Variants in PPP2R2B observed in about 807,000 individuals in gnomAD.
PPP2R2B encodes the protein protein phosphatase 2 regulatory subunit Bbeta.
Under a neutral mutation model 46.0 loss-of-function variants are expected in PPP2R2B, and 5 were observed. That is an observed-to-expected ratio of 0.11 (90% CI 0.06 to 0.23). The LOEUF is 0.23. Ranked by LOEUF, PPP2R2B falls within the 10% of genes least tolerant of loss-of-function variation. The probability of loss-of-function intolerance (pLI) is 1.00; values close to 1 mark genes in which losing one functional copy is unlikely to be tolerated. For synonymous variants in PPP2R2B, 215 were observed against 206.7 expected (o/e 1.04, Z -0.34); for missense variants, 367 against 575.0 (o/e 0.64, Z 3.70).
intron 2 of PPP2R2B, among the ~76,000 whole-genome samples, chr5:146,726,078 C>G (rs1252426444): frequency 2.0e-5 from 3 of 152,104 alleles, no homozygotes; most frequent in Admixed American, 1.3e-4. Flanking sequence ...TACCTGGAGC[C>G]TTGATCATTA....
exon 1 of PPP2R2B, chr5:147,055,964 A>G (rs2151905541): frequency 1.5e-6 from 2 of 1,376,692 alleles, no homozygotes; most frequent in East Asian, 2.7e-5. Context: ...TCAAACTCAG[A>G]AGCCCCCAAG....
In PPP2R2B at chr5:146,954,756, A is replaced by ATGTGTGTGTG. The variant is rs149370877; in HGVS notation, c.79+100899_79+100908dup. Among the ~76,000 whole-genome samples, 772 of 146,724 alleles carry ATGTGTGTGTG rather than the reference A, an allele frequency of 5.3e-3. 3 individuals carry two copies. Among genetic ancestry groups the ATGTGTGTGTG allele is most frequent in the African/African-American group, 0.011 (458 of 39,916 alleles). ...TATACATATATGAATATGTGTATATATGTGTGTGTGTGTGTGTGTGTGTGT... is the reference window on the plus strand; with the variant it reads ...TATACATATATGAATATGTGTATATATGTGTGTGTGTGTGTGTGTGTGTGTGTGTGTGTGT... On this transcript the variant is annotated intron_variant, in intron 1 of 8. Transcript: ENST00000336640.
At chr5:146,838,674 C>T (rs1320762722) in intron 2 of PPP2R2B, among the ~76,000 whole-genome samples, 4 of 151,678 alleles carry the variant, frequency 2.6e-5, no homozygotes, top group Admixed American at 1.3e-4. Flanking sequence ...ATAGACTAGA[C>T]AGAAGAGTGA....
At chr5:146,994,619 C>A (rs1753845583) in intron 1 of PPP2R2B, among the ~76,000 whole-genome samples, 1 of 152,162 alleles carries the variant, frequency 6.6e-6, no homozygotes, top group Admixed American at 6.5e-5. Flanking sequence ...CCAACCCTGA[C>A]AGTCCTTGGT....
At position 146,938,646 on chromosome 5, in the gene PPP2R2B, A is replaced by G. The variant is rs566541714; in HGVS notation, c.79+117019T>C. Among the ~76,000 whole-genome samples, 6 of 152,134 alleles carry G rather than the reference A, an allele frequency of 3.9e-5. No homozygotes were observed. The South Asian group carries it at 1.2e-3, about 32-fold the overall frequency. On this transcript the variant is annotated intron_variant, in intron 1 of 8. Coordinates refer to the PPP2R2B transcript ENST00000336640. ...TACATAGGAATTAAAATCTTGAATGACATATCAAAATGTTGACAGAGATTG... is the reference window on the plus strand; with the variant it reads ...TACATAGGAATTAAAATCTTGAATGGCATATCAAAATGTTGACAGAGATTG...
rs1438945272 is a variant in PPP2R2B at position 146,587,173 on chromosome 5, C to T, written c.*2774G>A. ...AAAACAGACTGACTTCTATGTGCCA[C>T]TAACTAAGAAATATTGCCAGTACTG... On this transcript the variant is annotated 3_prime_UTR_variant, in exon 10 of 10. Transcript: ENST00000394411. The T allele has an allele frequency of 6.6e-6, 1 of 152,206 alleles. No homozygotes were observed. The highest frequency in any genetic ancestry group is 1.5e-5 in the Non-Finnish European group (1 of 68,052). The allele number at this position is 152,206 out of a possible 1,614,324, so 9.4% of individuals were successfully genotyped here.
chr5:146,760,825 G>C (rs989043060), intron 2 of PPP2R2B, among the ~76,000 whole-genome samples: 12 of 152,010 alleles, frequency 7.9e-5, no homozygotes, highest in African/African-American at 2.4e-4. Context: ...GAAAATATTT[G>C]AGGGTTGTCC....
At chr5:146,656,201 G>A (rs886651400) in intron 5 of PPP2R2B, among the ~76,000 whole-genome samples, 2 of 152,030 alleles carry the variant, frequency 1.3e-5, no homozygotes, top group Non-Finnish European at 2.9e-5. Context: ...TATGCTCTTT[G>A]AGGTGGGGTG....
chr5:146,963,655 T>C (rs1002572700), intron 1 of PPP2R2B, among the ~76,000 whole-genome samples: 9 of 152,180 alleles, frequency 5.9e-5, no homozygotes, highest in African/African-American at 2.2e-4. Flanking sequence ...ATAGATAATG[T>C]TATTATCCCA....
intron 1 of PPP2R2B, among the ~76,000 whole-genome samples, chr5:146,902,291 G>A (rs1443604067): frequency 1.3e-5 from 2 of 151,938 alleles, no homozygotes; most frequent in Non-Finnish European, 2.9e-5. Context: ...TGTCATCTCA[G>A]CATTGTTTTA....
intron 9 of PPP2R2B, 28 bp from the exon 10 acceptor site, chr5:146,590,254 C>CCGAGTATTACGGAGAA: frequency 4.4e-6 from 7 of 1,603,834 alleles, no homozygotes; most frequent in South Asian, 2.2e-5. Flanking sequence ...AAGGCAATGA[C>CCGAGTATTACGGAGAA]ATATCTTCAC....
intron 2 of PPP2R2B, among the ~76,000 whole-genome samples, chr5:146,708,797 G>C (rs1264503560): frequency 2.0e-5 from 3 of 151,964 alleles, no homozygotes; most frequent in African/African-American, 7.3e-5. Flanking sequence ...ATGGTATGGA[G>C]CTAAAAAAAA....
chr5:146,697,204 G>T (rs1332465707), intron 4 of PPP2R2B, among the ~76,000 whole-genome samples: 2 of 151,850 alleles, frequency 1.3e-5, no homozygotes, highest in South Asian at 2.1e-4. Context: ...TTTTAAATAC[G>T]AATCCTCTTA....
chr5:146,924,235 G>T (rs1183766220), intron 1 of PPP2R2B, among the ~76,000 whole-genome samples: 2 of 152,172 alleles, frequency 1.3e-5, no homozygotes, highest in African/African-American at 4.8e-5. Flanking sequence ...AAAAGTTAAA[G>T]AAAATATCAG....
intron 5 of PPP2R2B, among the ~76,000 whole-genome samples, chr5:146,655,827 A>G (rs1246543837): frequency 6.9e-6 from 1 of 145,802 alleles, no homozygotes; most frequent in East Asian, 2.2e-4. Context: ...GGGGATCCCA[A>G]GGCAGACCTC....
chr5:146,652,581 G>A (rs773041659), intron 5 of PPP2R2B, among the ~76,000 whole-genome samples: 2 of 152,186 alleles, frequency 1.3e-5, no homozygotes, highest in Non-Finnish European at 2.9e-5. Flanking sequence ...AAGATGGGTA[G>A]GGATTTAACC....
chr5:146,660,957 A>C (rs1581816027), intron 5 of PPP2R2B, among the ~76,000 whole-genome samples: 1 of 152,210 alleles, frequency 6.6e-6, no homozygotes, highest in East Asian at 1.9e-4. Flanking sequence ...ACTGTCACTG[A>C]TGCTACAAAG....
At chr5:146,722,029 T>C (rs1780836382) in intron 2 of PPP2R2B, among the ~76,000 whole-genome samples, 1 of 152,158 alleles carries the variant, frequency 6.6e-6, no homozygotes, top group Admixed American at 6.5e-5. Context: ...GTAGATGTCA[T>C]TATTACTACC....
intron 2 of PPP2R2B, among the ~76,000 whole-genome samples, chr5:146,721,419 G>A (rs1380376202): frequency 3.3e-5 from 5 of 152,268 alleles, no homozygotes; most frequent in African/African-American, 1.2e-4. Context: ...CTCTTTCAAA[G>A]GTAAGAAAAC....
Sources: allele counts gnomAD v4.1 joint callset (sites outside exome capture counted in the v4.1 genomes callset), GRCh38; gene constraint gnomAD v4.1.1; transcripts MANE v1.5; gene names NCBI Gene and HGNC (gene_info 2026-07-23, HGNC 2026-07-21).